The following SUGCT variants were observed in gnomAD, a reference collection of about 807,000 sequenced individuals.
SUGCT encodes succinyl-CoA:glutarate-CoA transferase.
In SUGCT, 41 loss-of-function variants were observed where a neutral mutation model predicts 55.0. The observed-to-expected ratio is 0.74, with a 90% CI of 0.58 to 0.97. The LOEUF (loss-of-function observed/expected upper bound fraction) is 0.97, where lower values mean the gene tolerates loss of function less well. Among genes scored for constraint, SUGCT ranks in the 50% least tolerant of loss-of-function variants. The pLI is 0.00. For missense variants in SUGCT, 568 were observed against 547.8 expected (o/e 1.04, Z -0.37); for synonymous variants, 187 against 200.4 (o/e 0.93, Z 0.56).
chr7:40,991,672 G>T, the SUGCT span, among the ~76,000 whole-genome samples: 1 of 152,142 alleles, frequency 6.6e-6, no homozygotes, highest in African/African-American at 2.4e-5. Context: ...TTGACCATGT[G>T]TCTGGTGAGA....
intron 6 of SUGCT, among the ~76,000 whole-genome samples, chr7:40,231,143 C>T (rs1374532374): frequency 6.6e-6 from 1 of 152,154 alleles, no homozygotes; most frequent in Non-Finnish European, 1.5e-5. Flanking sequence ...ACCTCAGAAA[C>T]TCAGTTGCCA....
At chr7:40,580,567 C>G (rs1001155465) in intron 12 of SUGCT, among the ~76,000 whole-genome samples, 1 of 152,138 alleles carries the variant, frequency 6.6e-6, no homozygotes, top group African/African-American at 2.4e-5. Context: ...TTCAGAATAT[C>G]CCAGGTGGTG....
chr7:40,609,731 C>T (rs937902601), intron 12 of SUGCT, among the ~76,000 whole-genome samples: 4 of 152,088 alleles, frequency 2.6e-5, no homozygotes, highest in Non-Finnish European at 4.4e-5. Context: ...GGGCCGAATC[C>T]GATCCAGCAC....
chr7:40,949,933 A>G, the SUGCT span, among the ~76,000 whole-genome samples: 2 of 152,224 alleles, frequency 1.3e-5, no homozygotes, highest in South Asian at 4.1e-4. Context: ...TGACTTGGCA[A>G]TGCAGGCTCT....
intron 13 of SUGCT, among the ~76,000 whole-genome samples, chr7:40,813,047 A>C (rs1219620158): frequency 1.3e-5 from 2 of 152,036 alleles, no homozygotes; most frequent in East Asian, 3.9e-4. Flanking sequence ...CTGATTTCTA[A>C]TTTTGTTCCA....
intron 7 of SUGCT, among the ~76,000 whole-genome samples, chr7:40,238,852 G>T (rs1182047959): frequency 1.4e-5 from 2 of 143,756 alleles, no homozygotes; most frequent in South Asian, 2.2e-4. Context: ...TCAGAGTCTT[G>T]CTCTGTCGCC....
chr7:40,884,050 G>C, the SUGCT span, among the ~76,000 whole-genome samples: 1 of 151,924 alleles, frequency 6.6e-6, no homozygotes, highest in Non-Finnish European at 1.5e-5. Flanking sequence ...TGTATCACTA[G>C]TGAAAAAAAA....
intron 8 of SUGCT, among the ~76,000 whole-genome samples, chr7:40,279,974 A>C (rs1792845746): frequency 6.6e-6 from 1 of 152,170 alleles, no homozygotes; most frequent in Admixed American, 6.6e-5. Flanking sequence ...ACATTTTCCT[A>C]CTCATTTTGA....
At chr7:40,384,506 T>C (rs1785018780) in intron 9 of SUGCT, among the ~76,000 whole-genome samples, 1 of 152,108 alleles carries the variant, frequency 6.6e-6, no homozygotes, top group African/African-American at 2.4e-5. Flanking sequence ...GTTGACAAGG[T>C]GGTCTTACTG....
intron 13 of SUGCT, among the ~76,000 whole-genome samples, chr7:40,836,709 G>C (rs531869824): frequency 6.6e-6 from 1 of 152,116 alleles, no homozygotes; most frequent in South Asian, 2.1e-4. Flanking sequence ...TATACTGCAC[G>C]TAACTTCTTT....
chr7:40,554,565 C>T (rs917418371), intron 12 of SUGCT, among the ~76,000 whole-genome samples: 6 of 152,124 alleles, frequency 3.9e-5, no homozygotes, highest in South Asian at 2.1e-4. Context: ...TGACCAATGT[C>T]TTGAGGGTAA....
intron 13 of SUGCT, among the ~76,000 whole-genome samples, chr7:40,795,772 A>G (rs1378706575): frequency 6.6e-6 from 1 of 152,152 alleles, no homozygotes; most frequent in East Asian, 1.9e-4. Context: ...ATAGTTTCTG[A>G]CTGTTAGTGT....
chr7:40,787,289 A>G (rs1313052121), intron 13 of SUGCT, among the ~76,000 whole-genome samples: 2 of 152,138 alleles, frequency 1.3e-5, no homozygotes, highest in Non-Finnish European at 2.9e-5. Context: ...CCAAAGAGAA[A>G]GGAAACACAC....
intron 12 of SUGCT, among the ~76,000 whole-genome samples, chr7:40,529,934 G>T (rs1036713140): frequency 6.6e-6 from 1 of 152,150 alleles, no homozygotes; most frequent in Non-Finnish European, 1.5e-5. Flanking sequence ...CAGAAATGTG[G>T]CAGTATAAAC....
At chr7:40,812,277 G>T (rs1312992548) in intron 13 of SUGCT, among the ~76,000 whole-genome samples, 1 of 151,948 alleles carries the variant, frequency 6.6e-6, no homozygotes, top group Non-Finnish European at 1.5e-5. Flanking sequence ...ATTTTTTGGG[G>T]ATAGTTTCAG....
intron 12 of SUGCT, chr7:40,539,191 C>T (rs1409008348): frequency 6.6e-6 from 1 of 152,092 alleles, no homozygotes; most frequent in East Asian, 1.9e-4. Flanking sequence ...ACTAGGATGC[C>T]TTGGTTGTTC....
intron 9 of SUGCT, among the ~76,000 whole-genome samples, chr7:40,436,035 C>G (rs1459486261): frequency 6.6e-6 from 1 of 150,830 alleles, no homozygotes; most frequent in African/African-American, 2.4e-5. Flanking sequence ...CCTCTGCCTC[C>G]TAGGTTCAAG....
At chr7:40,463,070 C>T (rs919810725) in intron 11 of SUGCT, among the ~76,000 whole-genome samples, 1 of 152,166 alleles carries the variant, frequency 6.6e-6, no homozygotes, top group African/African-American at 2.4e-5. Flanking sequence ...CACAAATAAT[C>T]GACTTTACCA....
chr7:40,536,684 C>T (rs1794380470), intron 12 of SUGCT, among the ~76,000 whole-genome samples: 1 of 152,172 alleles, frequency 6.6e-6, no homozygotes, highest in Admixed American at 6.5e-5. Flanking sequence ...AAGATCTGGT[C>T]CTGGTCCTTG....
Sources: allele counts gnomAD v4.1 joint callset (sites outside exome capture counted in the v4.1 genomes callset), GRCh38; gene constraint gnomAD v4.1.1; transcripts MANE v1.5; gene names NCBI Gene and HGNC (gene_info 2026-07-23, HGNC 2026-07-21).